The following PPFIA2 variants were observed in gnomAD, a reference collection of about 807,000 sequenced individuals.
The protein encoded by PPFIA2 is PPFI scaffold protein A2.
Under a neutral mutation model 175.5 loss-of-function variants are expected in PPFIA2, and 46 were observed. That is an observed-to-expected ratio of 0.26 (90% CI 0.21 to 0.34). PPFIA2 has a LOEUF of 0.34. PPFIA2 is among the 10% of genes least tolerant of loss of function. The pLI is 1.00. For missense variants in PPFIA2, 1,179 were observed against 1,506.1 expected (o/e 0.78, Z 3.60); for synonymous variants, 568 against 511.4 (o/e 1.11, Z -1.49).
chr12:81,370,562 C>A (rs889058955), intron 11 of PPFIA2, among the ~76,000 whole-genome samples: 19 of 151,830 alleles, frequency 1.3e-4, no homozygotes, highest in Admixed American at 6.6e-4. Context: ...CATTAGGGGC[C>A]AATCCCAAAC....
At chr12:81,355,485 T>C (rs1415866826) in intron 16 of PPFIA2, among the ~76,000 whole-genome samples, 1 of 152,200 alleles carries the variant, frequency 6.6e-6, no homozygotes, top group Non-Finnish European at 1.5e-5. Flanking sequence ...CTCTGAGTCT[T>C]TGAAGCCAGT....
chr12:81,441,795 G>A (rs2050222220), intron 6 of PPFIA2, among the ~76,000 whole-genome samples: 1 of 152,022 alleles, frequency 6.6e-6, no homozygotes, highest in South Asian at 2.1e-4. Context: ...CGGGTGTCCT[G>A]AAGAAGGCCT....
At chr12:81,701,465 A>T (rs2076470070) in intron 3 of PPFIA2, among the ~76,000 whole-genome samples, 1 of 152,136 alleles carries the variant, frequency 6.6e-6, no homozygotes, top group South Asian at 2.1e-4. Context: ...AGAAGAATTT[A>T]TGGGGTTAGA....
At position 81,353,108 on chromosome 12, in the gene PPFIA2, A is replaced by G. The variant is rs1488480831; in HGVS notation, c.1994+11T>C. On this transcript the variant is annotated intron_variant, in intron 17 of 32. Coordinates refer to ENST00000549396, the MANE Select transcript of PPFIA2 (RefSeq NM_003625.5). ...TAATTTCTTGAAATCATCAGTACTA[A>G]TTGAAGTTACCTGATTTCTTTGTTG... 8.7e-6 allele frequency: 14 copies of G among 1,610,820 alleles called. No homozygotes were observed. Among genetic ancestry groups the G allele is most frequent in the Non-Finnish European group, 1.2e-5 (14 of 1,177,140 alleles).
At chr12:81,598,407 A>G in intron 4 of PPFIA2, 1 of 1,034,996 alleles carries the variant, frequency 9.7e-7, no homozygotes, top group South Asian at 3.6e-5. Flanking sequence ...AGTCTAGCAG[A>G]GTGATTATGC....
intron 7 of PPFIA2, among the ~76,000 whole-genome samples, chr12:81,437,644 A>G (rs1216699806): frequency 6.6e-6 from 1 of 152,210 alleles, no homozygotes; most frequent in Non-Finnish European, 1.5e-5. Flanking sequence ...TTATAATAGT[A>G]GCCACCAAAC....
chr12:81,411,612 C>G (rs1400170368), intron 7 of PPFIA2, among the ~76,000 whole-genome samples: 1 of 152,058 alleles, frequency 6.6e-6, no homozygotes, highest in Non-Finnish European at 1.5e-5. Context: ...TTGAACACTA[C>G]TATGTCTTGC....
chr12:81,382,628 G>C (rs1387521646), intron 9 of PPFIA2, among the ~76,000 whole-genome samples: 3 of 152,106 alleles, frequency 2.0e-5, no homozygotes, highest in African/African-American at 7.2e-5. Flanking sequence ...GTGTGTGAGG[G>C]GAGAGATCTT....
chr12:81,701,380 T>C (rs2076459259), intron 3 of PPFIA2, among the ~76,000 whole-genome samples: 1 of 152,044 alleles, frequency 6.6e-6, no homozygotes, highest in Non-Finnish European at 1.5e-5. Flanking sequence ...GTTATGAGGG[T>C]ACCATCTTGA....
chr12:81,605,947 T>C (rs1248890643), intron 4 of PPFIA2, among the ~76,000 whole-genome samples: 1 of 151,748 alleles, frequency 6.6e-6, no homozygotes, highest in East Asian at 1.9e-4. Flanking sequence ...CAATAAGTAG[T>C]TTTTCAACCC....
intron 4 of PPFIA2, among the ~76,000 whole-genome samples, chr12:81,574,801 A>G (rs369798843): frequency 2.0e-5 from 3 of 151,750 alleles, no homozygotes; most frequent in African/African-American, 7.2e-5. Context: ...TGATACTTTT[A>G]TGGTTCACCT....
chr12:81,397,681 C>G (rs1399363902), intron 8 of PPFIA2, among the ~76,000 whole-genome samples: 1 of 151,936 alleles, frequency 6.6e-6, no homozygotes, highest in Non-Finnish European at 1.5e-5. Context: ...AGAATACAGT[C>G]GACCAGGGGT....
chr12:81,569,114 A>AT (rs2071962237), intron 4 of PPFIA2, among the ~76,000 whole-genome samples: 1 of 152,138 alleles, frequency 6.6e-6, no homozygotes, highest in Non-Finnish European at 1.5e-5. Flanking sequence ...TTGAATCATG[A>AT]TTTTTAAATA....
rs1450361940 is a variant in PPFIA2 at position 81,267,982 on chromosome 12, A to G, written c.3416T>C (p.Ile1139Thr). 1 of 1,600,096 alleles carries G rather than the reference A, an allele frequency of 6.2e-7. No homozygotes were observed. Among genetic ancestry groups the G allele is most frequent in the Non-Finnish European group, 8.5e-7 (1 of 1,172,432 alleles). Reference sequence around the variant, plus strand: ...GTAGTCAAAGTTTTCATCCAGGGCTATAAGTGAGCCATGCACACCGCTCTC... The same window carrying G: ...GTAGTCAAAGTTTTCATCCAGGGCTGTAAGTGAGCCATGCACACCGCTCTC... ...ILESGVHGSL[I>T]ALDENFDYSS... is the part of the protein sequence containing the mutation. Residue 1139 changes from isoleucine to threonine, a missense_variant, in exon 29 of 33, where the codon ATA becomes ACA. This residue lies in a region of PPFIA2 where 245 missense variants were observed against 375.1 expected (regional missense o/e 0.65). Transcript: ENST00000549396.
At chr12:81,711,085 G>C (rs1010817506) in intron 3 of PPFIA2, among the ~76,000 whole-genome samples, 1 of 150,962 alleles carries the variant, frequency 6.6e-6, no homozygotes, top group Non-Finnish European at 1.5e-5. Flanking sequence ...AAAAACATTA[G>C]CCAGGTGTGG....
chr12:81,436,279 TAAAAAAAAAAAAAAAAAAAAAAAAAAAAA>T lies in PPFIA2; in HGVS notation c.645+3664_645+3692del, dbSNP rs763809833. ...CTGGGCAACAGAGTGAGACCCTGTC[TAAAAAAAAAAAAAAAAAAAAAAAAAAAAA>T]AAAAAAAAAAAAAAAAAAAAAGTTA... On this transcript the variant is annotated intron_variant, in intron 7 of 32. Transcript: ENST00000549396. 1.9e-3 allele frequency among the ~76,000 whole-genome samples: 84 copies of T among 44,808 alleles called. 3 individuals are homozygous for T. The highest frequency in any genetic ancestry group is 1.7e-3 in the Admixed American group (4 of 2,364). The allele number at this position is 44,808 out of a possible 152,430, so 29.4% of individuals were successfully genotyped here.
intron 29 of PPFIA2, among the ~76,000 whole-genome samples, chr12:81,267,637 A>G (rs2037667216): frequency 6.6e-6 from 1 of 152,108 alleles, no homozygotes. Flanking sequence ...ACTGATGGCC[A>G]TCTGTCAGGG....
intron 4 of PPFIA2, among the ~76,000 whole-genome samples, chr12:81,629,658 C>T (rs562028953): frequency 6.6e-6 from 1 of 152,302 alleles, no homozygotes; most frequent in Admixed American, 6.5e-5. Context: ...ATTAACCTTT[C>T]ATTCCAGCAC....
chr12:81,656,464 T>C (rs926487432), intron 4 of PPFIA2, among the ~76,000 whole-genome samples: 1 of 152,120 alleles, frequency 6.6e-6, no homozygotes, highest in African/African-American at 2.4e-5. Flanking sequence ...ATGCACAATA[T>C]GTCCATGTAA....
Sources: gnomAD v4.1 joint callset for allele counts (sites outside exome capture counted in the v4.1 genomes callset) on GRCh38, gnomAD v4.1.1 for gene constraint, gnomAD v4.1.1 regional missense constraint, MANE v1.5 for transcripts, NCBI Gene and HGNC (gene_info 2026-07-23, HGNC 2026-07-21) for gene names.